FGD6: variants seen among roughly 807,000 people sequenced by gnomAD.
FGD6 encodes the protein FYVE, RhoGEF and PH domain-containing protein 6.
FGD6 carries 90 observed loss-of-function variants against 149.4 expected under a neutral mutation model. That is an observed-to-expected ratio of 0.60 (90% CI 0.51 to 0.72). The LOEUF is 0.72. Ranked by LOEUF, FGD6 falls within the 30% of genes least tolerant of loss-of-function variation. FGD6 has a pLI of 0.00. For synonymous variants in FGD6, 527 were observed against 584.0 expected, an observed-to-expected ratio of 0.90 and a Z score of 1.41; for missense variants, 1,437 against 1,684.8, an observed-to-expected ratio of 0.85 and a Z score of 2.57.
At chr12:95,096,006 ACT>A (rs1491335101) in intron 14 of FGD6, among the ~76,000 whole-genome samples, 2 of 135,422 alleles carry the variant, frequency 1.5e-5, no homozygotes, top group Admixed American at 7.4e-5. Flanking sequence ...AGAGCAACAC[ACT>A]GTCTCCAAAA....
At chr12:95,113,580 A>G (rs754803872) in intron 9 of FGD6, 71 bp downstream of exon 9, 96 of 1,170,682 alleles carry the variant, frequency 8.2e-5, no homozygotes, top group Non-Finnish European at 1.1e-4. Flanking sequence ...TGTTATCAAT[A>G]TATTTTTACT....
At chr12:95,113,766 C>G (rs978395460) in intron 8 of FGD6, 65 bp from the exon 9 acceptor site, 11 of 1,019,054 alleles carry the variant, frequency 1.1e-5, no homozygotes, top group Admixed American at 2.4e-5. Context: ...ACATATCTTT[C>G]TTTTTCAATA....
At chr12:95,135,194 G>C (rs553909426) in intron 7 of FGD6, among the ~76,000 whole-genome samples, 2 of 152,296 alleles carry the variant, frequency 1.3e-5, no homozygotes, top group African/African-American at 4.8e-5. Context: ...GGACCAAGAA[G>C]GAAATGCATG....
chr12:95,190,503 G>T (rs1881557027), intron 2 of FGD6, among the ~76,000 whole-genome samples: 1 of 152,134 alleles, frequency 6.6e-6, no homozygotes, highest in Non-Finnish European at 1.5e-5. Context: ...TTTTCTAAAA[G>T]ATTTTATAGC....
intron 2 of FGD6, among the ~76,000 whole-genome samples, chr12:95,175,820 G>GAAAAA (rs1313643366): frequency 1.5e-4 from 20 of 129,966 alleles, no homozygotes; most frequent in African/African-American, 1.7e-4. Flanking sequence ...AAAAAAAAAA[G>GAAAAA]AAAAAAAAAA....
Position 95,101,843 on chromosome 12 carries a change from C to T in FGD6, c.3497+3164G>A, listed in dbSNP as rs545325037. Among the ~76,000 whole-genome samples, 19 of 151,834 alleles carry T rather than the reference C, an allele frequency of 1.3e-4. No individual in the cohort carries two copies. The East Asian group carries it at 2.6e-3, about 20-fold the overall frequency. On this transcript the variant is annotated intron_variant, in intron 14 of 20. Coordinates refer to ENST00000343958, the MANE Select transcript of FGD6 (RefSeq NM_018351.4). ...GACTACAGATAAGCGCCACCACACC[C>T]GGCTAATTTTTGTATTTTTAGTAGA...
At chr12:95,189,653 GAAA>G (rs10582401) in intron 2 of FGD6, 2,179 of 124,070 alleles carry the variant, frequency 0.018, 48 homozygotes, top group Non-Finnish European at 0.019. Context: ...TGTTTCATAG[GAAA>G]AAAAAAAAAA....
chr12:95,152,615 T>C (rs1223725284), intron 5 of FGD6, among the ~76,000 whole-genome samples, 196 bp downstream of exon 5: 1 of 152,248 alleles, frequency 6.6e-6, no homozygotes, highest in Non-Finnish European at 1.5e-5. Flanking sequence ...AAAACTGTTA[T>C]GAAGACATAA....
At chr12:95,178,624 G>C (rs371108757) in intron 2 of FGD6, among the ~76,000 whole-genome samples, 1 of 151,450 alleles carries the variant, frequency 6.6e-6, no homozygotes, top group East Asian at 1.9e-4. Flanking sequence ...TCTTCTCTTC[G>C]AGAGGTTGCT....
chr12:95,158,994 C>T (rs1053296483), intron 3 of FGD6, among the ~76,000 whole-genome samples: 4 of 152,176 alleles, frequency 2.6e-5, no homozygotes, highest in Non-Finnish European at 4.4e-5. Context: ...TGTGACATCC[C>T]TTAAAGGTCA....
intron 18 of FGD6, among the ~76,000 whole-genome samples, chr12:95,088,043 C>A (rs1157947999): frequency 6.6e-6 from 1 of 152,096 alleles, no homozygotes; most frequent in African/African-American, 2.4e-5. Flanking sequence ...ATTAATGTTG[C>A]TCAAAATATA....
At chr12:95,132,741 A>G (rs1487045763) in intron 8 of FGD6, among the ~76,000 whole-genome samples, 4 of 152,174 alleles carry the variant, frequency 2.6e-5, no homozygotes, top group Non-Finnish European at 5.9e-5. Flanking sequence ...ACTGAGCAAG[A>G]TTCCGTCTCA....
At chr12:95,187,620 C>T (rs954381350) in intron 2 of FGD6, among the ~76,000 whole-genome samples, 14 of 151,174 alleles carry the variant, frequency 9.3e-5, no homozygotes, top group African/African-American at 2.0e-4. Flanking sequence ...GCCACTCACT[C>T]CAGCCTGGGT....
At chr12:95,170,965 A>G (rs1029139112) in intron 3 of FGD6, among the ~76,000 whole-genome samples, 2 of 152,208 alleles carry the variant, frequency 1.3e-5, no homozygotes, top group East Asian at 3.8e-4. Flanking sequence ...TCCCAACACC[A>G]TGATTTAATA....
intron 8 of FGD6, among the ~76,000 whole-genome samples, chr12:95,115,745 G>C (rs1878988430): frequency 6.6e-6 from 1 of 152,104 alleles, no homozygotes; most frequent in Admixed American, 6.6e-5. Flanking sequence ...ATGACATCAT[G>C]CTCAGAGGAA....
intron 2 of FGD6, among the ~76,000 whole-genome samples, chr12:95,190,998 G>A (rs1881572259): frequency 6.6e-6 from 1 of 152,144 alleles, no homozygotes; most frequent in South Asian, 2.1e-4. Context: ...AGACTGCCTA[G>A]ATTTTTTCAG....
chr12:95,115,820 A>C (rs1370859220), intron 8 of FGD6, among the ~76,000 whole-genome samples: 1 of 152,202 alleles, frequency 6.6e-6, no homozygotes, highest in East Asian at 1.9e-4. Flanking sequence ...ACACGCGCCC[A>C]ATTGCTGAAA....
chr12:95,092,958 C>T (rs572259388), intron 15 of FGD6, 113 bp from the exon 16 acceptor site: 14 of 1,213,968 alleles, frequency 1.2e-5, no homozygotes, highest in East Asian at 5.1e-5. Context: ...CAGCAGCTCA[C>T]GCCTGTAATC....
chr12:95,180,087 A>G (rs1592865739), intron 2 of FGD6, among the ~76,000 whole-genome samples: 3 of 151,598 alleles, frequency 2.0e-5, no homozygotes, highest in African/African-American at 7.3e-5. Flanking sequence ...TCCAAAAAAA[A>G]AAAAAAGGAG....
Sources: gnomAD v4.1 joint callset for allele counts (sites outside exome capture counted in the v4.1 genomes callset) on GRCh38, gnomAD v4.1.1 for gene constraint, MANE v1.5 for transcripts, NCBI Gene and HGNC (gene_info 2026-07-23, HGNC 2026-07-21) for gene names.